The following SLIT3 variants were observed in gnomAD, a reference collection of about 807,000 sequenced individuals.
The protein encoded by SLIT3 is slit homolog 3 protein.
SLIT3 carries 68 observed loss-of-function variants against 184.0 expected under a neutral mutation model. The observed-to-expected ratio is 0.37, with a 90% CI of 0.30 to 0.45. The LOEUF (loss-of-function observed/expected upper bound fraction) is 0.45, where lower values mean the gene tolerates loss of function less well. Ranked by LOEUF, SLIT3 falls within the 20% of genes least tolerant of loss-of-function variation. The pLI, the probability that SLIT3 is intolerant of heterozygous loss-of-function variation, is 1.00. For synonymous variants in SLIT3, 831 were observed against 828.6 expected (o/e 1.00, Z -0.05); for missense variants, 1,707 against 2,026.0 (o/e 0.84, Z 3.02).
chr5:169,210,702 G>A (rs1348370458), intron 3 of SLIT3, among the ~76,000 whole-genome samples: 1 of 152,150 alleles, frequency 6.6e-6, no homozygotes, highest in Non-Finnish European at 1.5e-5. Flanking sequence ...AGGAATGAAT[G>A]AATCAAAGTA....
chr5:169,018,911 G>T (rs1236090804), intron 4 of SLIT3, among the ~76,000 whole-genome samples: 1 of 152,146 alleles, frequency 6.6e-6, no homozygotes, highest in East Asian at 1.9e-4. Flanking sequence ...TCCTGCAGTG[G>T]CTGTCTCAAG....
At chr5:169,288,654 C>T (rs147492947) in intron 1 of SLIT3, among the ~76,000 whole-genome samples, 23 of 152,208 alleles carry the variant, frequency 1.5e-4, no homozygotes, top group African/African-American at 5.3e-4. Context: ...TTGTGGTAGA[C>T]ACTCAATAAA....
rs1291488100 is a variant in SLIT3 at position 168,687,089 on chromosome 5, C to T, written c.3204G>A (p.Gly1068=). The change falls in exon 30 of 36, where the codon GGG becomes GGA. Residue 1068 remains glycine (G), a synonymous_variant. Transcript: ENST00000519560. ...FSCECVPGYS[G]KLCETDNDDC... is the part of the protein sequence containing the mutation. Reference sequence around the variant, plus strand: ...CATCATTGTCTGTCTCACAGAGCTTCCCGCTGTAGCCAGGGACACACTCGC... The same window carrying T: ...CATCATTGTCTGTCTCACAGAGCTTTCCGCTGTAGCCAGGGACACACTCGC... 9.3e-6 allele frequency: 15 copies of T among 1,614,224 alleles called. No individual in the cohort carries two copies. The highest frequency in any genetic ancestry group is 1.3e-5 in the Non-Finnish European group (15 of 1,180,004).
At position 168,749,560 on chromosome 5, in the gene SLIT3, G is replaced by A. The variant is rs745360694; in HGVS notation, c.2049C>T (p.Ile683=). 3.1e-6 allele frequency: 5 copies of A among 1,614,174 alleles called. No individual in the cohort carries two copies. Among genetic ancestry groups the A allele is most frequent in the Non-Finnish European group, 4.2e-6 (5 of 1,180,038 alleles). The change falls in exon 19 of 36, where the codon ATC becomes ATT. Residue 683 remains isoleucine (I), a synonymous_variant. Coordinates refer to ENST00000519560, the MANE Select transcript of SLIT3 (RefSeq NM_003062.4). ...WLGKWLRKRR[I]VSGNPRCQKP... Reference sequence around the variant, plus strand: ...TCTGGCACCTAGGGTTCCCACTGACGATCCGCCTCTTCCTCAACCACTTGC... The same window carrying A: ...TCTGGCACCTAGGGTTCCCACTGACAATCCGCCTCTTCCTCAACCACTTGC...
Position 168,685,704 on chromosome 5 carries a change from C to T in SLIT3, c.3538G>A (p.Ala1180Thr). ...GGACACACCTGCAGGGAGATGTTGGCCTGGGGTCGGACCTTGGCGGAGGCC... is the reference window on the plus strand; with the variant it reads ...GGACACACCTGCAGGGAGATGTTGGTCTGGGGTCGGACCTTGGCGGAGGCC... Reference protein sequence around the residue: ...ELASAKVRPQANISLQVATDK... With the variant: ...ELASAKVRPQTNISLQVATDK... Residue 1180 changes from alanine to threonine, a missense_variant, in exon 31 of 36, where the codon GCC becomes ACC. Ala to Thr is a moderately conservative substitution (Grantham distance 58). Around this residue, in one of 3 missense-constraint regions of SLIT3, gnomAD observed 387 missense variants for 477.9 expected, o/e 0.81. Coordinates refer to ENST00000519560, the MANE Select transcript of SLIT3 (RefSeq NM_003062.4). 6.4e-7 allele frequency: 1 copy of T among 1,561,006 alleles called. No individual in the cohort carries two copies. Among genetic ancestry groups the T allele is most frequent in the Non-Finnish European group, 8.7e-7 (1 of 1,148,854 alleles).
intron 4 of SLIT3, among the ~76,000 whole-genome samples, chr5:169,044,500 C>G (rs1757557218): frequency 6.9e-6 from 1 of 145,574 alleles, no homozygotes; most frequent in South Asian, 2.1e-4. Flanking sequence ...CCACATACTG[C>G]AGGATTCCAT....
chr5:168,994,320 G>C (rs1320744624), intron 4 of SLIT3: 5 of 152,098 alleles, frequency 3.3e-5, no homozygotes, highest in African/African-American at 1.2e-4. Context: ...AGAATCAAAG[G>C]CATCCTCTGG....
intron 3 of SLIT3, among the ~76,000 whole-genome samples, chr5:169,200,041 GCCTA>G (rs1763863454): frequency 6.6e-6 from 1 of 152,196 alleles, no homozygotes; most frequent in Non-Finnish European, 1.5e-5. Flanking sequence ...CAGAGGGCCT[GCCTA>G]CCTGAGTCTG....
At chr5:168,994,826 G>C (rs12516827) in intron 4 of SLIT3, among the ~76,000 whole-genome samples, 23 of 151,360 alleles carry the variant, frequency 1.5e-4, no homozygotes, top group African/African-American at 5.6e-4. Context: ...TATTTTTCTA[G>C]AAACGGGGTT....
At position 168,872,865 on chromosome 5, in the gene SLIT3, C is replaced by T. The variant is rs545764313; in HGVS notation, c.485+10400G>A. Among the ~76,000 whole-genome samples the T allele has an allele frequency of 4.1e-3, 628 of 152,198 alleles. 4 individuals are homozygous for T. The highest frequency in any genetic ancestry group is 0.014 in the African/African-American group (600 of 41,526). On this transcript the variant is annotated intron_variant, in intron 5 of 35. Coordinates refer to ENST00000519560, the MANE Select transcript of SLIT3 (RefSeq NM_003062.4). The stretch of plus-strand genomic sequence containing the variant: ...CCGTGTTAGCCAGGATGGTCTTGAT[C>T]TCCTGACCTCATGATCCACCTGCCT...
chr5:168,708,329 C>A, intron 25 of SLIT3: 1 of 591,610 alleles, frequency 1.7e-6, no homozygotes, highest in Non-Finnish European at 3.0e-6. Flanking sequence ...TTCAGAAACA[C>A]TTCTGCAGTC....
intron 3 of SLIT3, among the ~76,000 whole-genome samples, chr5:169,226,261 T>C (rs1764804333): frequency 6.6e-6 from 1 of 152,102 alleles, no homozygotes; most frequent in African/African-American, 2.4e-5. Context: ...GGGGCAAAGC[T>C]GAATGGCTGG....
At chr5:169,146,280 C>T (rs141103520) in intron 4 of SLIT3, among the ~76,000 whole-genome samples, 8 of 152,332 alleles carry the variant, frequency 5.3e-5, no homozygotes, top group Admixed American at 3.3e-4. Context: ...TGTTCTTAAC[C>T]GCAAAACGTA....
In SLIT3 at chr5:169,119,459, G is replaced by C. The variant is rs577448784; in HGVS notation, c.413+74020C>G. On this transcript the variant is annotated intron_variant, in intron 4 of 35. Coordinates refer to ENST00000519560, the MANE Select transcript of SLIT3 (RefSeq NM_003062.4). ...TTCACAGCAATAATTAACCCAGCAG[G>C]AAGGACTAACAGGAATGAAATAGTG... 1.4e-4 allele frequency among the ~76,000 whole-genome samples: 21 copies of C among 152,334 alleles called. No individual in the cohort carries two copies. In the South Asian group the frequency reaches 3.7e-3, roughly 27 times the overall value.
At chr5:169,090,888 G>T (rs1051084758) in intron 4 of SLIT3, among the ~76,000 whole-genome samples, 1 of 152,246 alleles carries the variant, frequency 6.6e-6, no homozygotes, top group African/African-American at 2.4e-5. Context: ...CCAGAACTGC[G>T]AAAGAATACG....
intron 4 of SLIT3, among the ~76,000 whole-genome samples, chr5:168,927,470 CT>C (rs1449802160): frequency 1.3e-5 from 2 of 152,190 alleles, no homozygotes; most frequent in East Asian, 3.8e-4. Context: ...CTTGACACTA[CT>C]AAATTACATA....
At chr5:168,772,997 A>AC in intron 13 of SLIT3, 53 bp from the exon 14 acceptor site, 2 of 1,502,206 alleles carry the variant, frequency 1.3e-6, no homozygotes, top group Non-Finnish European at 1.8e-6. Context: ...GTCTTGCTCC[A>AC]CCACCACCAC....
intron 4 of SLIT3, among the ~76,000 whole-genome samples, chr5:169,150,434 G>T (rs963846977): frequency 6.6e-6 from 1 of 152,028 alleles, no homozygotes; most frequent in East Asian, 1.9e-4. Context: ...CTAAACAAAG[G>T]TCTAACTAAG....
At chr5:168,909,461 T>C (rs954185730) in intron 4 of SLIT3, among the ~76,000 whole-genome samples, 1 of 152,178 alleles carries the variant, frequency 6.6e-6, no homozygotes, top group Non-Finnish European at 1.5e-5. Context: ...CAATTCTTAT[T>C]TCCAGTTTAG....
Sources: gnomAD v4.1 joint callset for allele counts (sites outside exome capture counted in the v4.1 genomes callset) on GRCh38, gnomAD v4.1.1 for gene constraint, gnomAD v4.1.1 regional missense constraint, MANE v1.5 for transcripts, NCBI Gene and HGNC (gene_info 2026-07-23, HGNC 2026-07-21) for gene names.